Variants in PARD3 observed in about 807,000 individuals in gnomAD.
The protein encoded by PARD3 is partitioning defective 3 homolog.
In PARD3, 75 loss-of-function variants were observed where a neutral mutation model predicts 155.4. The ratio of observed to expected loss-of-function variants is 0.48; its 90% CI spans 0.40 to 0.58. The LOEUF (loss-of-function observed/expected upper bound fraction) is 0.58, where lower values mean the gene tolerates loss of function less well. PARD3 is among the 20% of genes least tolerant of loss of function. The pLI, the probability that PARD3 is intolerant of heterozygous loss-of-function variation, is 0.00. For synonymous variants in PARD3, 576 were observed against 610.5 expected, an observed-to-expected ratio of 0.94 and a Z score of 0.83; for missense variants, 1,642 against 1,721.7, an observed-to-expected ratio of 0.95 and a Z score of 0.82.
At chr10:34,789,977 C>A (rs1403202680) in intron 1 of PARD3, among the ~76,000 whole-genome samples, 2 of 152,144 alleles carry the variant, frequency 1.3e-5, no homozygotes, top group African/African-American at 4.8e-5. Context: ...ATCCTGAGCT[C>A]TGGGAAGCTG....
intron 4 of PARD3, among the ~76,000 whole-genome samples, chr10:34,457,893 C>T (rs1322534363): frequency 6.6e-6 from 1 of 152,122 alleles, no homozygotes; most frequent in Non-Finnish European, 1.5e-5. Context: ...CACCACCAGC[C>T]TAGCCTCTAC....
At chr10:34,149,178 G>C (rs958226093) in intron 22 of PARD3, among the ~76,000 whole-genome samples, 2 of 152,064 alleles carry the variant, frequency 1.3e-5, no homozygotes, top group African/African-American at 4.8e-5. Flanking sequence ...GACCATTTGA[G>C]TATTTTTAAA....
At position 34,348,054 on chromosome 10, in the gene PARD3, C is replaced by G. The variant is rs1307097629; in HGVS notation, c.2129G>C (p.Arg710Thr). ...GAGGGAATGGGAAATTCTTCGTTCT[C>G]TATCATCCAACGCTGTTTCAATGGG... The part of the protein sequence containing the change: ...ELPIETALDD[R>T]ERRISHSLYS... The change falls in exon 15 of 25, where the codon AGA becomes ACA. Residue 710 changes from arginine to threonine, a missense_variant. By Grantham distance (71) the Arg-to-Thr change is moderately conservative. Coordinates refer to ENST00000374788, the MANE Select transcript of PARD3 (RefSeq NM_001184785.2). The G allele has an allele frequency of 6.2e-7, 1 of 1,613,354 alleles. No individual in the cohort carries two copies. Among genetic ancestry groups the G allele is most frequent in the East Asian group, 2.2e-5 (1 of 44,862 alleles).
chr10:34,567,163 T>C (rs972864197), intron 2 of PARD3, among the ~76,000 whole-genome samples: 21 of 152,198 alleles, frequency 1.4e-4, no homozygotes, highest in Non-Finnish European at 2.8e-4. Context: ...GAGCCAACCA[T>C]TCCTAAAAGG....
intron 20 of PARD3, among the ~76,000 whole-genome samples, chr10:34,306,520 A>G (rs1014835800): frequency 1.3e-5 from 2 of 151,698 alleles, no homozygotes; most frequent in East Asian, 2.0e-4. Flanking sequence ...GTGGTGGTGC[A>G]TGCCTGTAAT....
At chr10:34,331,007 T>G (rs895374944) in intron 19 of PARD3, 110 bp downstream of exon 19, 3 of 720,364 alleles carry the variant, frequency 4.2e-6, no homozygotes, top group Non-Finnish European at 7.0e-6. Flanking sequence ...ACCTCAGAGA[T>G]CTCAGAGATT....
chr10:34,518,572 A>G (rs1437945673), intron 2 of PARD3, among the ~76,000 whole-genome samples: 1 of 152,250 alleles, frequency 6.6e-6, no homozygotes, highest in Non-Finnish European at 1.5e-5. Flanking sequence ...AAGAAATCAT[A>G]CTGGCATTGG....
In PARD3 at chr10:34,375,745, CA is replaced by C. The variant is rs559948720; in HGVS notation, c.1540-744del. Among the ~76,000 whole-genome samples, 25 of 152,008 alleles carry C rather than the reference CA, an allele frequency of 1.6e-4. No homozygotes were observed. In the South Asian group the frequency reaches 2.9e-3, roughly 18 times the overall value. On this transcript the variant is annotated intron_variant, in intron 10 of 24. Coordinates refer to ENST00000374788, the MANE Select transcript of PARD3 (RefSeq NM_001184785.2). ...GGTATTCTACATTTTTCTTTTTAGA[CA>C]AAAAAGACATTTTGTCCAAGGCAAA...
intron 12 of PARD3, among the ~76,000 whole-genome samples, chr10:34,372,065 C>G (rs188867134): frequency 6.6e-6 from 1 of 152,120 alleles, no homozygotes; most frequent in Non-Finnish European, 1.5e-5. Flanking sequence ...AATACTGACA[C>G]GTCACTTTAA....
intron 22 of PARD3, among the ~76,000 whole-genome samples, chr10:34,245,645 G>C (rs1953900743): frequency 6.6e-6 from 1 of 152,070 alleles, no homozygotes; most frequent in South Asian, 2.1e-4. Flanking sequence ...ACTGATCTGA[G>C]AAAAAGTATA....
chr10:34,725,575 T>G (rs559229496), intron 1 of PARD3, among the ~76,000 whole-genome samples: 1 of 151,914 alleles, frequency 6.6e-6, no homozygotes, highest in African/African-American at 2.4e-5. Flanking sequence ...CTGTGAGGAG[T>G]AGTGTTATTC....
rs398013196 is a variant in PARD3 at position 34,696,281 on chromosome 10, A to AT, written c.222+36dup. On this transcript the variant is annotated intron_variant, in intron 2 of 24. Coordinates refer to ENST00000374788, the MANE Select transcript of PARD3 (RefSeq NM_001184785.2). ...GCTCCCTAGTCCTCAAAAAAAAAAA[A>AT]TGCATTCAGAACAGGTTCCCCAGGA... The AT allele has an allele frequency of 8.9e-5, 114 of 1,276,736 alleles. No individual in the cohort carries two copies. The East Asian group carries it at 2.6e-3, about 29-fold the overall frequency. 79.1% of individuals were successfully genotyped at this position (1,276,736 alleles called of 1,614,324 possible). A position where few individuals can be genotyped will look rare whatever the true frequency, so the allele number is the denominator to read the frequency against.
intron 20 of PARD3, among the ~76,000 whole-genome samples, chr10:34,309,543 G>A (rs1957587273): frequency 1.2e-5 from 1 of 80,058 alleles, no homozygotes; most frequent in Non-Finnish European, 2.2e-5. Flanking sequence ...GCAAGACCCT[G>A]TCTCCAAAAA....
intron 7 of PARD3, among the ~76,000 whole-genome samples, chr10:34,385,137 T>C (rs1393159893): frequency 2.0e-5 from 3 of 152,168 alleles, no homozygotes; most frequent in African/African-American, 7.2e-5. Context: ...TTTAGTCTTA[T>C]TTTATTCTTT....
chr10:34,623,355 GTAC>G (rs2091804382), intron 2 of PARD3, among the ~76,000 whole-genome samples: 1 of 152,074 alleles, frequency 6.6e-6, no homozygotes, highest in Admixed American at 6.5e-5. Context: ...TTATTTAATG[GTAC>G]TACTACACCA....
At chr10:34,216,522 C>G (rs1952009742) in intron 22 of PARD3, among the ~76,000 whole-genome samples, 1 of 152,166 alleles carries the variant, frequency 6.6e-6, no homozygotes, top group African/African-American at 2.4e-5. Flanking sequence ...AATCTGACTG[C>G]TGGCAGAGAC....
chr10:34,490,417 A>G (rs2079818572), intron 3 of PARD3, among the ~76,000 whole-genome samples: 1 of 152,148 alleles, frequency 6.6e-6, no homozygotes, highest in African/African-American at 2.4e-5. Context: ...AGACAGAGGG[A>G]GAGGGTGTGT....
At chr10:34,187,616 G>A (rs1413965995) in intron 22 of PARD3, among the ~76,000 whole-genome samples, 2 of 152,208 alleles carry the variant, frequency 1.3e-5, no homozygotes, top group Non-Finnish European at 2.9e-5. Context: ...GGGGAGTGAT[G>A]TAAATTTAGC....
intron 2 of PARD3, among the ~76,000 whole-genome samples, chr10:34,581,755 T>C (rs957918100): frequency 1.3e-5 from 2 of 151,894 alleles, no homozygotes; most frequent in Non-Finnish European, 2.9e-5. Context: ...TGGTGTAGAG[T>C]TGAACCACAG....
Sources: gnomAD v4.1 joint callset for allele counts (sites outside exome capture counted in the v4.1 genomes callset) on GRCh38, gnomAD v4.1.1 for gene constraint, MANE v1.5 for transcripts, NCBI Gene and HGNC (gene_info 2026-07-23, HGNC 2026-07-21) for gene names.